NRXN1: variants seen among roughly 807,000 people sequenced by gnomAD.
NRXN1 encodes neurexin 1.
Under a neutral mutation model 150.9 loss-of-function variants are expected in NRXN1, and 39 were observed. That is an observed-to-expected ratio of 0.26 (90% CI 0.20 to 0.34). The LOEUF (loss-of-function observed/expected upper bound fraction) is 0.34. Ranked by LOEUF, NRXN1 falls within the 10% of genes least tolerant of loss-of-function variation. The pLI, the probability that NRXN1 is intolerant of heterozygous loss-of-function variation, is 1.00. For missense variants in NRXN1, 1,815 were observed against 1,949.9 expected, an observed-to-expected ratio of 0.93 and a Z score of 1.30; for synonymous variants, 924 against 757.0, an observed-to-expected ratio of 1.22 and a Z score of -3.62.
chr2:50,613,228 C>A (rs1281760824), intron 8 of NRXN1, among the ~76,000 whole-genome samples: 2 of 152,170 alleles, frequency 1.3e-5, no homozygotes, highest in Non-Finnish European at 2.9e-5. Context: ...GCTAAACCAG[C>A]CTCTCTCTGA....
At chr2:50,465,390 C>A (rs1466066084) in intron 17 of NRXN1, 52 bp downstream of exon 17, 17 of 1,522,178 alleles carry the variant, frequency 1.1e-5, no homozygotes, top group Non-Finnish European at 1.5e-5. Context: ...AGATATCAAA[C>A]AGTAACTGGA....
At chr2:50,237,289 G>T (rs1183688628) in intron 17 of NRXN1, among the ~76,000 whole-genome samples, 1 of 151,980 alleles carries the variant, frequency 6.6e-6, no homozygotes, top group African/African-American at 2.4e-5. Flanking sequence ...CAGTTTTTAA[G>T]AAATAGTTTA....
chr2:50,945,206 G>A (rs1360576610), intron 2 of NRXN1, among the ~76,000 whole-genome samples: 1 of 152,172 alleles, frequency 6.6e-6, no homozygotes, highest in African/African-American at 2.4e-5. Flanking sequence ...TGAGCTCATT[G>A]GCTCATGCCT....
At chr2:50,577,184 G>A (rs952396113) in intron 8 of NRXN1, among the ~76,000 whole-genome samples, 1 of 152,186 alleles carries the variant, frequency 6.6e-6, no homozygotes, top group African/African-American at 2.4e-5. Flanking sequence ...TGTAAGCTGA[G>A]AGACAACTCT....
chr2:50,562,993 G>T (rs1017221347), intron 8 of NRXN1, among the ~76,000 whole-genome samples: 2 of 151,694 alleles, frequency 1.3e-5, no homozygotes, highest in African/African-American at 4.8e-5. Flanking sequence ...AATTTCGCAC[G>T]TTTTTTCCTT....
At chr2:50,171,039 T>A (rs1469556217) in intron 18 of NRXN1, among the ~76,000 whole-genome samples, 1 of 152,142 alleles carries the variant, frequency 6.6e-6, no homozygotes, top group Non-Finnish European at 1.5e-5. Flanking sequence ...TAGAAAATCA[T>A]AAAGAAAATA....
intron 21 of NRXN1, among the ~76,000 whole-genome samples, chr2:50,027,535 G>A (rs764707798): frequency 2.0e-5 from 3 of 151,888 alleles, no homozygotes; most frequent in Admixed American, 1.3e-4. Flanking sequence ...CTTGACCTCC[G>A]TGGCTCAAGC....
At chr2:50,680,962 T>G (rs929441668) in intron 5 of NRXN1, among the ~76,000 whole-genome samples, 7 of 152,038 alleles carry the variant, frequency 4.6e-5, no homozygotes, top group African/African-American at 1.7e-4. Flanking sequence ...AACACTACAA[T>G]AATAATAGTT....
chr2:50,220,007 A>ATATAAT (rs1378205239), intron 18 of NRXN1, among the ~76,000 whole-genome samples: 3 of 37,060 alleles, frequency 8.1e-5, no homozygotes, highest in African/African-American at 4.2e-4. Context: ...TATATTATAT[A>ATATAAT]ATATATTATA....
intron 2 of NRXN1, among the ~76,000 whole-genome samples, chr2:51,024,435 G>A (rs1412259827): frequency 6.6e-6 from 1 of 152,008 alleles, no homozygotes; most frequent in African/African-American, 2.4e-5. Context: ...TTATTTGCCA[G>A]ACGTCAAGAA....
chr2:50,526,592 T>A (rs1253794814), intron 12 of NRXN1: 5 of 152,234 alleles, frequency 3.3e-5, no homozygotes, highest in African/African-American at 1.2e-4. Context: ...TTATCTGGAA[T>A]GTAAATTCCT....
intron 2 of NRXN1, among the ~76,000 whole-genome samples, chr2:50,986,562 T>G (rs1009293348): frequency 6.6e-6 from 1 of 151,730 alleles, no homozygotes; most frequent in Non-Finnish European, 1.5e-5. Context: ...ATTAACATAG[T>G]GAGAAAAATA....
At chr2:50,819,335 ATAT>A (rs1669379869) in intron 5 of NRXN1, among the ~76,000 whole-genome samples, 1 of 152,172 alleles carries the variant, frequency 6.6e-6, no homozygotes, top group African/African-American at 2.4e-5. Flanking sequence ...ATACAATGAA[ATAT>A]TATTCTTCCT....
chr2:50,956,149 G>A (rs1692247598), intron 2 of NRXN1, among the ~76,000 whole-genome samples: 2 of 151,994 alleles, frequency 1.3e-5, no homozygotes, highest in East Asian at 1.9e-4. Flanking sequence ...GTACACAACA[G>A]TAACATATTT....
chr2:50,319,983 G>C (rs150373354), intron 17 of NRXN1, among the ~76,000 whole-genome samples: 3 of 151,922 alleles, frequency 2.0e-5, no homozygotes, highest in Non-Finnish European at 4.4e-5. Flanking sequence ...AGAGGGTAAA[G>C]CACTATAGCA....
At chr2:50,141,763 C>T (rs933161790) in intron 18 of NRXN1, among the ~76,000 whole-genome samples, 6 of 151,972 alleles carry the variant, frequency 3.9e-5, no homozygotes, top group African/African-American at 1.4e-4. Context: ...ATCAGATATC[C>T]TTACCCCCGT....
chr2:50,460,786 G>A (rs1439157391), intron 17 of NRXN1, among the ~76,000 whole-genome samples: 3 of 151,862 alleles, frequency 2.0e-5, no homozygotes, highest in Non-Finnish European at 2.9e-5. Context: ...TTTTTAAGGT[G>A]TTTTCAGTAA....
chr2:50,812,880 T>C (rs72837090), intron 5 of NRXN1, among the ~76,000 whole-genome samples: 14,435 of 151,030 alleles, frequency 0.096, 793 homozygotes, highest in Admixed American at 0.14. Context: ...CTTGAAAAAA[T>C]GGTTTTAAAT....
chr2:50,173,635 G>A (rs1394968926), intron 18 of NRXN1, among the ~76,000 whole-genome samples: 4 of 152,054 alleles, frequency 2.6e-5, no homozygotes, highest in African/African-American at 9.7e-5. Context: ...CATGCATAAC[G>A]AGCCCATTTT....
Sources: allele counts gnomAD v4.1 joint callset (sites outside exome capture counted in the v4.1 genomes callset), GRCh38; gene constraint gnomAD v4.1.1; transcripts MANE v1.5; gene names NCBI Gene and HGNC (gene_info 2026-07-23, HGNC 2026-07-21).